The following BRIP1 variants were observed in gnomAD, a reference collection of about 807,000 sequenced individuals.
The protein encoded by BRIP1 is Fanconi anemia group J protein.
Under a neutral mutation model 119.7 loss-of-function variants are expected in BRIP1, and 88 were observed. The observed-to-expected ratio is 0.74, with a 90% CI of 0.62 to 0.88. The LOEUF (loss-of-function observed/expected upper bound fraction) is 0.88, where lower values mean the gene tolerates loss of function less well. Among genes scored for constraint, BRIP1 ranks in the 40% least tolerant of loss-of-function variants. BRIP1 has a pLI of 0.00. For synonymous variants in BRIP1, 443 were observed against 496.5 expected (o/e 0.89, Z 1.43); for missense variants, 1,259 against 1,455.4 (o/e 0.87, Z 2.20).
At position 61,724,874 on chromosome 17, in the gene BRIP1, C is replaced by G. The variant is rs1021792082; in HGVS notation, c.2380-8811G>C. On this transcript the variant is annotated intron_variant, in intron 16 of 19. Coordinates refer to ENST00000259008, the MANE Select transcript of BRIP1 (RefSeq NM_032043.3). The surrounding 1 kb of genome is among the most constrained non-coding windows in gnomAD (Gnocchi z 5.1). ...TTTATCTTTAGCCAAGGTGCAGGGC[C>G]TAAAGCCTAAACATTTACAGCAAAC... 4.6e-5 allele frequency among the ~76,000 whole-genome samples: 7 copies of G among 152,116 alleles called. No homozygotes were observed. The highest frequency in any genetic ancestry group is 1.7e-4 in the African/African-American group (7 of 41,440).
rs1214332358 is a variant in BRIP1 at position 61,691,132 on chromosome 17, T to C, written c.2575+2298A>G. ...GGATAGCATTAGGAGATATACCTAA[T>C]GTAAACGACAAGTTAATGGGTGCAG... On this transcript the variant is annotated intron_variant, in intron 18 of 19. Coordinates refer to ENST00000259008, the MANE Select transcript of BRIP1 (RefSeq NM_032043.3). The surrounding 1 kb of genome is among the most constrained non-coding windows in gnomAD (Gnocchi z 5.0). 1.3e-5 allele frequency among the ~76,000 whole-genome samples: 2 copies of C among 152,026 alleles called. No individual in the cohort carries two copies. Among genetic ancestry groups the C allele is most frequent in the South Asian group, 2.1e-4 (1 of 4,822 alleles).
In BRIP1 at chr17:61,857,346, G is replaced by A; in HGVS notation, c.206-115C>T. 1 of 928,902 alleles carries A rather than the reference G, an allele frequency of 1.1e-6. No homozygotes were observed. The allele number at this position is 928,902 out of a possible 1,614,324, so 57.5% of individuals were successfully genotyped here. ...TTTCCTAAGATAAAAGATTTTTAGG[G>A]CTAACACCAGGAAGGTACCTGGCAA... On this transcript the variant is annotated intron_variant, in intron 3 of 19. Transcript: ENST00000259008. This position sits in a 1 kb window ranked among gnomAD's most constrained non-coding sequence, Gnocchi z 5.1.
At chr17:61,786,953 A>G (rs1204747996) in intron 10 of BRIP1, among the ~76,000 whole-genome samples, 2 of 100,352 alleles carry the variant, frequency 2.0e-5, no homozygotes, top group South Asian at 3.1e-4. Context: ...TATATATAAT[A>G]TATTTATATT....
rs767720589 is a variant in BRIP1, at chr17:61,809,645, C to T, written c.628-888G>A. Among the ~76,000 whole-genome samples the T allele has an allele frequency of 3.9e-5, 6 of 151,980 alleles. No homozygotes were observed. The highest frequency in any genetic ancestry group is 8.8e-5 in the Non-Finnish European group (6 of 68,006). ...TTAATAACTACTTCCTTCTAAGTCT[C>T]AATTATTACACCAAATGACACAGAA... On this transcript the variant is annotated intron_variant, in intron 6 of 19. Transcript: ENST00000259008. The surrounding 1 kb of genome is among the most constrained non-coding windows in gnomAD (Gnocchi z 5.2).
chr17:61,857,331 T>A lies in BRIP1; in HGVS notation c.206-100A>T. ...CCCAGGATTGGGAGGTTTCCTAAGA[T>A]AAAAGATTTTTAGGGCTAACACCAG... On this transcript the variant is annotated intron_variant, in intron 3 of 19. Coordinates refer to ENST00000259008, the MANE Select transcript of BRIP1 (RefSeq NM_032043.3). This position sits in a 1 kb window ranked among gnomAD's most constrained non-coding sequence, Gnocchi z 5.1. The A allele has an allele frequency of 8.6e-7, 1 of 1,157,314 alleles. No individual in the cohort carries two copies. The highest frequency in any genetic ancestry group is 1.2e-6 in the Non-Finnish European group (1 of 835,434). 71.7% of individuals were successfully genotyped at this position (1,157,314 alleles called of 1,614,324 possible).
At chr17:61,792,930 T>C (rs551808136) in intron 10 of BRIP1, among the ~76,000 whole-genome samples, 2 of 152,306 alleles carry the variant, frequency 1.3e-5, no homozygotes, top group South Asian at 2.1e-4. Flanking sequence ...GTATTGTGTA[T>C]GTGTATAGGT....
At position 61,734,628 on chromosome 17, in the gene BRIP1, C is replaced by G. The variant is rs1229881977; in HGVS notation, c.2379+8385G>C. Among the ~76,000 whole-genome samples, 3 of 152,144 alleles carry G rather than the reference C, an allele frequency of 2.0e-5. No homozygotes were observed. Among genetic ancestry groups the G allele is most frequent in the Non-Finnish European group, 2.9e-5 (2 of 68,024 alleles). ...TGGCTCCAAAATGAAATTTTCCTAC[C>G]TCTACTTTCTAGTCCCTAAGGTGGG... On this transcript the variant is annotated intron_variant, in intron 16 of 19. Transcript: ENST00000259008. This position sits in a 1 kb window ranked among gnomAD's most constrained non-coding sequence, Gnocchi z 5.2.
intron 4 of BRIP1, 112 bp from the exon 5 acceptor site, chr17:61,849,368 A>C (rs2078784413): frequency 1.1e-6 from 1 of 873,324 alleles, no homozygotes; most frequent in Non-Finnish European, 1.8e-6. Flanking sequence ...TTCATACCAT[A>C]ATCTAAAACA....
In BRIP1 at chr17:61,774,549, C is replaced by T. The variant is rs933749161; in HGVS notation, c.2097+1852G>A. 6.6e-6 allele frequency among the ~76,000 whole-genome samples: 1 copy of T among 152,018 alleles called. No individual in the cohort carries two copies. The highest frequency in any genetic ancestry group is 2.1e-4 in the South Asian group (1 of 4,810). On this transcript the variant is annotated intron_variant, in intron 14 of 19. Coordinates refer to ENST00000259008, the MANE Select transcript of BRIP1 (RefSeq NM_032043.3). This position sits in a 1 kb window ranked among gnomAD's most constrained non-coding sequence, Gnocchi z 5.8. ...TGTATACGTATGTAACAAACCTGCACGTTGTGCACATGTACCCTAGAACTT... is the reference window on the plus strand; with the variant it reads ...TGTATACGTATGTAACAAACCTGCATGTTGTGCACATGTACCCTAGAACTT...
intron 6 of BRIP1, among the ~76,000 whole-genome samples, chr17:61,838,624 T>G (rs1326933679): frequency 6.6e-6 from 1 of 151,662 alleles, no homozygotes; most frequent in Non-Finnish European, 1.5e-5. Flanking sequence ...CCATTCTTTT[T>G]CCTTCCATAT....
At position 61,804,432 on chromosome 17, in the gene BRIP1, GTGTGTGTGTGTGTGTA is replaced by G. The variant is rs952082061; in HGVS notation, c.919-2974_919-2959del. Among the ~76,000 whole-genome samples, 29 of 121,560 alleles carry G rather than the reference GTGTGTGTGTGTGTGTA, an allele frequency of 2.4e-4. No homozygotes were observed. The highest frequency in any genetic ancestry group is 9.9e-4 in the African/African-American group (28 of 28,396). 79.7% of individuals were successfully genotyped at this position (121,560 alleles called of 152,430 possible). A position where few individuals can be genotyped will look rare whatever the true frequency, so the allele number is the denominator to read the frequency against. On this transcript the variant is annotated intron_variant, in intron 7 of 19. Transcript: ENST00000259008. The surrounding 1 kb of genome is among the most constrained non-coding windows in gnomAD (Gnocchi z 4.5). The stretch of plus-strand genomic sequence containing the variant: ...CATATGTGTGTGTGTGTGTGTGTGT[GTGTGTGTGTGTGTGTA>G]TGTGTGTGTACATACACATACATAT...
In BRIP1 at chr17:61,730,717, T is replaced by A. The variant is rs2076833300; in HGVS notation, c.2379+12296A>T. Among the ~76,000 whole-genome samples the A allele has an allele frequency of 1.3e-5, 2 of 152,174 alleles. No homozygotes were observed. The highest frequency in any genetic ancestry group is 2.9e-5 in the Non-Finnish European group (2 of 68,038). On this transcript the variant is annotated intron_variant, in intron 16 of 19. Transcript: ENST00000259008. The surrounding 1 kb of genome is among the most constrained non-coding windows in gnomAD (Gnocchi z 4.3). ...ATGGCTTTATGTATTTATTTATTTATTTTTTGCTAAGGAAATACAATGACA... is the reference window on the plus strand; with the variant it reads ...ATGGCTTTATGTATTTATTTATTTAATTTTTGCTAAGGAAATACAATGACA...
Position 61,679,757 on chromosome 17 carries a change from C to G in BRIP1, c.*3539G>C, listed in dbSNP as rs1390684022. Among the ~76,000 whole-genome samples, 1 of 152,110 alleles carries G rather than the reference C, an allele frequency of 6.6e-6. No individual in the cohort carries two copies. The highest frequency in any genetic ancestry group is 2.4e-5 in the African/African-American group (1 of 41,430). The stretch of plus-strand genomic sequence containing the variant: ...AATGTGCCAGGTGCTCTTTTAAAAG[C>G]ATTTAGATGTTTTAACTTATTTAAA... On this transcript the variant is annotated 3_prime_UTR_variant, in exon 20 of 20. Coordinates refer to ENST00000259008, the MANE Select transcript of BRIP1 (RefSeq NM_032043.3). The surrounding 1 kb of genome is among the most constrained non-coding windows in gnomAD (Gnocchi z 4.4).
rs1350322711 is a variant in BRIP1 at position 61,808,666 on chromosome 17, T to A, written c.719A>T (p.Lys240Ile). Reference protein sequence around the residue: ...SNTIKKDHTGKSKIPKIYFGT... With the variant: ...SNTIKKDHTGISKIPKIYFGT... ...AAAATATATTTTGGGTATCTTGGAT[T>A]TCCCTGTATGATCCTTCTTAATGGT... is the stretch of plus-strand genomic sequence containing the variant. Residue 240 changes from lysine (K) to isoleucine (I), a missense_variant, in exon 7 of 20, where the codon AAA becomes ATA. Coordinates refer to ENST00000259008, the MANE Select transcript of BRIP1 (RefSeq NM_032043.3). The surrounding 1 kb of genome is among the most constrained non-coding windows in gnomAD (Gnocchi z 4.1). 1.2e-6 allele frequency: 2 copies of A among 1,613,986 alleles called. No individual in the cohort carries two copies. Among genetic ancestry groups the A allele is most frequent in the African/African-American group, 1.3e-5 (1 of 75,032 alleles).
intron 14 of BRIP1, among the ~76,000 whole-genome samples, chr17:61,772,582 G>A (rs2077472119): frequency 6.6e-6 from 1 of 152,090 alleles, no homozygotes. Flanking sequence ...ACTTTGGGAG[G>A]CCAAGGCGGG....
intron 6 of BRIP1, among the ~76,000 whole-genome samples, chr17:61,839,309 A>G (rs2078624199): frequency 6.6e-6 from 1 of 151,968 alleles, no homozygotes. Flanking sequence ...TAATAATTAT[A>G]TTTCTATTAT....
At chr17:61,716,832 A>ATATAATATTCTTCC (rs2061884776) in intron 16 of BRIP1, among the ~76,000 whole-genome samples, 1 of 151,220 alleles carries the variant, frequency 6.6e-6, no homozygotes, top group African/African-American at 2.4e-5. Context: ...CCACTACTGG[A>ATATAATATTCTTCC]TTATTAGCTA....
Position 61,794,671 on chromosome 17 carries a change from C to A in BRIP1, c.1341-942G>T, listed in dbSNP as rs1017242782. ...CTGTATAACAAACCTGCACATGTAC[C>A]CCTGAACTTAAAAGTTAAAAAAAAA... On this transcript the variant is annotated intron_variant, in intron 9 of 19. Transcript: ENST00000259008. The surrounding 1 kb of genome is among the most constrained non-coding windows in gnomAD (Gnocchi z 4.3). Among the ~76,000 whole-genome samples the A allele has an allele frequency of 1.3e-5, 2 of 150,432 alleles. No individual in the cohort carries two copies. Among genetic ancestry groups the A allele is most frequent in the African/African-American group, 4.9e-5 (2 of 40,816 alleles).
At chr17:61,787,846 G>A (rs891486033) in intron 10 of BRIP1, among the ~76,000 whole-genome samples, 10 of 151,904 alleles carry the variant, frequency 6.6e-5, no homozygotes, top group Non-Finnish European at 1.5e-4. Context: ...GGGTTTCACC[G>A]TGTTAGCCAG....
Sources: allele counts gnomAD v4.1 joint callset (sites outside exome capture counted in the v4.1 genomes callset), GRCh38; gene constraint gnomAD v4.1.1; non-coding constraint Gnocchi (gnomAD v3.1); transcripts MANE v1.5; gene names NCBI Gene and HGNC (gene_info 2026-07-23, HGNC 2026-07-21).